The following ANO1 variants were observed in gnomAD, a reference collection of about 807,000 sequenced individuals.
The protein encoded by ANO1 is anoctamin-1.
A neutral mutation model predicts 124.0 loss-of-function variants in ANO1; 59 were observed. That is an observed-to-expected ratio of 0.48 (90% CI 0.39 to 0.59). ANO1 has a LOEUF of 0.59. Among genes scored for constraint, ANO1 ranks in the 20% least tolerant of loss-of-function variants. The pLI is 0.00. For missense variants in ANO1, 1,059 were observed against 1,328.0 expected (o/e 0.80, Z 3.15); for synonymous variants, 529 against 532.0 (o/e 0.99, Z 0.08).
intron 1 of ANO1, among the ~76,000 whole-genome samples, chr11:70,031,032 C>T (rs1003826139): frequency 2.0e-5 from 3 of 152,226 alleles, no homozygotes; most frequent in African/African-American, 7.2e-5. Context: ...GCAACCTCTG[C>T]CTCCTGGGTT....
At chr11:70,074,566 G>T (rs1361967753), upstream of ANO1, among the ~76,000 whole-genome samples, 3 of 152,164 alleles carry the variant, frequency 2.0e-5, no homozygotes, top group Non-Finnish European at 4.4e-5. Context: ...CTCCAGGTGT[G>T]TGCACCTGTG....
At chr11:70,171,068 G>A (rs773266017) in intron 22 of ANO1, 29 bp downstream of exon 22, 18 of 1,604,242 alleles carry the variant, frequency 1.1e-5, no homozygotes, top group African/African-American at 4.0e-5. Context: ...CGGCAGAACC[G>A]GTTCCGAGTG....
rs1182100759 is a variant in ANO1 at position 70,078,575 on chromosome 11, C to A, written c.-32C>A. On this transcript the variant is annotated 5_prime_UTR_variant, in exon 1 of 26. Coordinates refer to ENST00000355303, the MANE Select transcript of ANO1 (RefSeq NM_018043.7). Reference sequence around the variant, plus strand: ...GGGGCCGTGGATGGGGAGGGCGCGCCGCCCGGCGGTCCCAGCGCACAGGCG... The same window carrying A: ...GGGGCCGTGGATGGGGAGGGCGCGCAGCCCGGCGGTCCCAGCGCACAGGCG... 1 of 1,411,212 alleles carries A rather than the reference C, an allele frequency of 7.1e-7. No homozygotes were observed. 87.4% of individuals were successfully genotyped at this position (1,411,212 alleles called of 1,614,324 possible).
intron 1 of ANO1, among the ~76,000 whole-genome samples, chr11:70,060,119 C>A (rs1159292066): frequency 6.6e-6 from 1 of 151,986 alleles, no homozygotes; most frequent in African/African-American, 2.4e-5. Context: ...AATGAAAGAG[C>A]CTTGTGTGGT....
At chr11:70,184,667 C>T (rs974810659) in intron 24 of ANO1, among the ~76,000 whole-genome samples, 1 of 152,232 alleles carries the variant, frequency 6.6e-6, no homozygotes, top group Non-Finnish European at 1.5e-5. Context: ...TAGCTTCGTT[C>T]TTTCGCAAAT....
At position 70,126,273 on chromosome 11, in the gene ANO1, G is replaced by A; in HGVS notation, c.1097+78G>A. The A allele has an allele frequency of 4.0e-6, 6 of 1,502,420 alleles. No individual in the cohort carries two copies. In the South Asian group the frequency reaches 6.6e-5, roughly 17 times the overall value. 93.1% of individuals were successfully genotyped at this position (1,502,420 alleles called of 1,614,324 possible). A position where few individuals can be genotyped will look rare whatever the true frequency, so the allele number is the denominator to read the frequency against. Reference sequence around the variant, plus strand: ...TGCCATCCCAGCTGCACAATTCATTGGGACACTGGCCTCTCACACCAATTC... The same window carrying A: ...TGCCATCCCAGCTGCACAATTCATTAGGACACTGGCCTCTCACACCAATTC... On this transcript the variant is annotated intron_variant, in intron 10 of 25. Transcript: ENST00000355303.
rs543466470 is a variant in ANO1 at position 70,069,542 on chromosome 11, G to A, written c.59-9000G>A. On this transcript the variant is annotated intron_variant, in intron 1 of 27. Coordinates refer to the ANO1 transcript ENST00000531349. Reference sequence around the variant, plus strand: ...CTGTGATGAGCTTAAAGGGGGAGGAGGACACTTGATTTTTCAGAAAGCCTG... The same window carrying A: ...CTGTGATGAGCTTAAAGGGGGAGGAAGACACTTGATTTTTCAGAAAGCCTG... Among the ~76,000 whole-genome samples, 7 of 151,158 alleles carry A rather than the reference G, an allele frequency of 4.6e-5. No individual in the cohort carries two copies. In the East Asian group the frequency reaches 1.4e-3, roughly 30 times the overall value.
At chr11:70,140,832 G>C (rs2047129031) in intron 11 of ANO1, among the ~76,000 whole-genome samples, 1 of 152,092 alleles carries the variant, frequency 6.6e-6, no homozygotes, top group African/African-American at 2.4e-5. Context: ...CCTGAGTCTG[G>C]GTCTGCTTAG....
intron 1 of ANO1, among the ~76,000 whole-genome samples, chr11:70,043,202 C>T (rs902618631): frequency 6.6e-6 from 1 of 152,090 alleles, no homozygotes; most frequent in Non-Finnish European, 1.5e-5. Flanking sequence ...GAAAACTACA[C>T]AGAATGGGAG....
intron 2 of ANO1, among the ~76,000 whole-genome samples, chr11:70,090,100 C>T (rs750429397): frequency 1.1e-4 from 17 of 152,232 alleles, no homozygotes; most frequent in Admixed American, 5.2e-4. Context: ...CGGCTCACTG[C>T]AAGCTCCGCC....
At position 70,095,419 on chromosome 11, in the gene ANO1, AAAG is replaced by A. The variant is rs1366707322; in HGVS notation, c.441+7338_441+7340del. Among the ~76,000 whole-genome samples, 59 of 9,612 alleles carry A rather than the reference AAAG, an allele frequency of 6.1e-3. 4 individuals are homozygous for A. Among genetic ancestry groups the A allele is most frequent in the Admixed American group, 0.022 (14 of 638 alleles). 6.3% of individuals were successfully genotyped at this position (9,612 alleles called of 152,430 possible). ...GAAAGAAAGAAAGAAAGAAAGAAAG[AAAG>A]AAAGAAAAGAAAAGAAAGAAAGAGG... is the stretch of plus-strand genomic sequence containing the variant. On this transcript the variant is annotated intron_variant, in intron 2 of 25. Transcript: ENST00000355303.
chr11:70,113,135 C>T (rs2045855003), intron 7 of ANO1, among the ~76,000 whole-genome samples: 1 of 152,012 alleles, frequency 6.6e-6, no homozygotes, highest in Middle Eastern at 3.2e-3. Flanking sequence ...CCACCCCACC[C>T]CAGGCGGACA....
At chr11:70,124,282 C>A in intron 8 of ANO1, 68 bp from the exon 9 acceptor site, 1 of 1,467,622 alleles carries the variant, frequency 6.8e-7, no homozygotes, top group Non-Finnish European at 9.5e-7. Context: ...GTCCCCGCAG[C>A]TCTGCGTTCC....
At chr11:70,102,020 A>T (rs2045298495) in intron 2 of ANO1, among the ~76,000 whole-genome samples, 1 of 152,164 alleles carries the variant, frequency 6.6e-6, no homozygotes, top group Non-Finnish European at 1.5e-5. Context: ...AGGCCGACTG[A>T]TGTGACATGT....
chr11:70,130,869 A>G (rs1004846938), intron 10 of ANO1, among the ~76,000 whole-genome samples: 11 of 152,178 alleles, frequency 7.2e-5, no homozygotes, highest in African/African-American at 2.7e-4. Flanking sequence ...TCTCCCAGAG[A>G]AGAGTCCTGG....
In ANO1 at chr11:70,108,682, G is replaced by A. The variant is rs914777695; in HGVS notation, c.799+278G>A. The stretch of plus-strand genomic sequence containing the variant: ...CTGCACGGGTGGTAAATCCAGGCTG[G>A]AAACAGACCAGTGTTAGGGATGACC... On this transcript the variant is annotated intron_variant, in intron 6 of 25. Transcript: ENST00000355303. Among the ~76,000 whole-genome samples the A allele has an allele frequency of 3.9e-5, 6 of 152,188 alleles. No individual in the cohort carries two copies. In the East Asian group the frequency reaches 9.6e-4, roughly 24 times the overall value.
At chr11:70,083,311 G>A (rs1260196002) in intron 1 of ANO1, among the ~76,000 whole-genome samples, 1 of 152,128 alleles carries the variant, frequency 6.6e-6, no homozygotes, top group Non-Finnish European at 1.5e-5. Context: ...ACATGAGGTA[G>A]GTCTTAGGGA....
upstream of ANO1, among the ~76,000 whole-genome samples, chr11:69,983,216 G>A (rs1007300806): frequency 6.6e-6 from 1 of 151,954 alleles, no homozygotes; most frequent in Admixed American, 6.6e-5. Context: ...GGGTAGGTCT[G>A]TGCCTACCCC....
the ANO1 span, among the ~76,000 whole-genome samples, chr11:69,977,069 G>A: frequency 2.8e-4 from 42 of 152,226 alleles, no homozygotes; most frequent in Admixed American, 6.5e-5. Flanking sequence ...TTCTCTAAGC[G>A]TGAGGGAGCT....
Sources: gnomAD v4.1 joint callset for allele counts (sites outside exome capture counted in the v4.1 genomes callset) on GRCh38, gnomAD v4.1.1 for gene constraint, MANE v1.5 for transcripts, NCBI Gene and HGNC (gene_info 2026-07-23, HGNC 2026-07-21) for gene names.